Variants in CDK14 observed in about 807,000 individuals in gnomAD.
The protein encoded by CDK14 is cyclin dependent kinase 14.
A neutral mutation model predicts 60.7 loss-of-function variants in CDK14; 34 were observed. That is an observed-to-expected ratio of 0.56 (90% CI 0.43 to 0.75). The LOEUF is 0.75. Ranked by LOEUF, CDK14 falls within the 30% of genes least tolerant of loss-of-function variation. The probability of loss-of-function intolerance (pLI) is 0.00; values close to 1 mark genes in which losing one functional copy is unlikely to be tolerated. For synonymous variants in CDK14, 197 were observed against 203.7 expected, an observed-to-expected ratio of 0.97 and a Z score of 0.28; for missense variants, 482 against 564.1, an observed-to-expected ratio of 0.85 and a Z score of 1.47.
chr7:91,114,729 A>G (rs990866092), intron 13 of CDK14, among the ~76,000 whole-genome samples: 3 of 152,138 alleles, frequency 2.0e-5, no homozygotes, highest in African/African-American at 7.2e-5. Flanking sequence ...CAGAAATGCT[A>G]TTTCTGTGTC....
At chr7:90,609,148 T>A (rs1025400107) in intron 2 of CDK14, among the ~76,000 whole-genome samples, 2 of 152,122 alleles carry the variant, frequency 1.3e-5, no homozygotes, top group Admixed American at 6.5e-5. Context: ...CACCTCAGCC[T>A]TCTAAGTAGC....
At chr7:91,079,321 C>T in intron 11 of CDK14, 111 bp from the exon 12 acceptor site, 1 of 664,756 alleles carries the variant, frequency 1.5e-6, no homozygotes, top group Non-Finnish European at 2.6e-6. Flanking sequence ...ACTATGCTGG[C>T]CTAACTGACT....
At chr7:90,821,253 G>T (rs900373950) in intron 5 of CDK14, among the ~76,000 whole-genome samples, 3 of 152,202 alleles carry the variant, frequency 2.0e-5, no homozygotes, top group African/African-American at 7.2e-5. Flanking sequence ...AAGGAAGTGA[G>T]AAAGGCAGGG....
At chr7:90,634,390 G>GT (rs1303178953) in intron 2 of CDK14, among the ~76,000 whole-genome samples, 5 of 148,942 alleles carry the variant, frequency 3.4e-5, no homozygotes, top group African/African-American at 9.9e-5. Context: ...GCAGTGTTTG[G>GT]TTTTTTGTCC....
chr7:90,776,815 G>C (rs984216687), intron 4 of CDK14, among the ~76,000 whole-genome samples: 1 of 152,178 alleles, frequency 6.6e-6, no homozygotes, highest in South Asian at 2.1e-4. Flanking sequence ...TGATCTTTGA[G>C]GATCTATGAA....
intron 10 of CDK14, among the ~76,000 whole-genome samples, chr7:91,040,775 C>G (rs936427030): frequency 6.6e-6 from 1 of 152,200 alleles, no homozygotes; most frequent in Non-Finnish European, 1.5e-5. Context: ...TCTTGTTGTA[C>G]TTAAATCACA....
intron 10 of CDK14, among the ~76,000 whole-genome samples, chr7:91,015,821 A>G (rs1020357282): frequency 1.2e-4 from 18 of 152,032 alleles, no homozygotes; most frequent in African/African-American, 4.1e-4. Flanking sequence ...ACATTTCACA[A>G]AAATATTTGT....
chr7:90,876,656 T>C (rs150022452), intron 6 of CDK14, among the ~76,000 whole-genome samples: 322 of 152,310 alleles, frequency 2.1e-3, no homozygotes, highest in African/African-American at 7.5e-3. Flanking sequence ...ACCATCTGTT[T>C]TGGAGCTTCA....
intron 5 of CDK14, among the ~76,000 whole-genome samples, chr7:90,836,856 C>CT (rs1166140271): frequency 3.3e-5 from 5 of 152,154 alleles, no homozygotes; most frequent in Non-Finnish European, 7.4e-5. Context: ...CTATCATAAT[C>CT]TTATGTGACC....
intron 10 of CDK14, among the ~76,000 whole-genome samples, chr7:91,024,797 C>T (rs1437323558): frequency 1.1e-4 from 17 of 152,294 alleles, no homozygotes; most frequent in Non-Finnish European, 5.9e-5. Context: ...TAGACTTTCT[C>T]TTAACCACTG....
chr7:90,841,251 A>G (rs1370567684), intron 5 of CDK14, among the ~76,000 whole-genome samples: 1 of 152,146 alleles, frequency 6.6e-6, no homozygotes, highest in Non-Finnish European at 1.5e-5. Flanking sequence ...CATTTGTCCA[A>G]ACCCATACAA....
At chr7:90,813,226 A>G (rs750511232) in intron 5 of CDK14, among the ~76,000 whole-genome samples, 28 of 152,134 alleles carry the variant, frequency 1.8e-4, no homozygotes, top group Non-Finnish European at 5.9e-5. Context: ...GCAGTGGCAC[A>G]ATCTCAGCTC....
At chr7:91,186,514 A>G (rs894912755) in intron 14 of CDK14, among the ~76,000 whole-genome samples, 1 of 151,636 alleles carries the variant, frequency 6.6e-6, no homozygotes, top group Non-Finnish European at 1.5e-5. Context: ...TTGATCTTAG[A>G]TAGGCCAATT....
intron 10 of CDK14, among the ~76,000 whole-genome samples, chr7:90,991,970 C>T (rs1795552193): frequency 6.6e-6 from 1 of 152,088 alleles, no homozygotes; most frequent in African/African-American, 2.4e-5. Flanking sequence ...GTCAATAGTT[C>T]TATGAAAAGA....
intron 2 of CDK14, among the ~76,000 whole-genome samples, chr7:90,657,280 G>T (rs1800771635): frequency 6.6e-6 from 1 of 152,050 alleles, no homozygotes; most frequent in Non-Finnish European, 1.5e-5. Context: ...AATACAGTTT[G>T]ATTTATTTTT....
chr7:91,129,959 A>G (rs1381524111), intron 14 of CDK14, among the ~76,000 whole-genome samples: 2 of 152,194 alleles, frequency 1.3e-5, no homozygotes, highest in Non-Finnish European at 2.9e-5. Context: ...AAAATAAACC[A>G]ATAGATATTA....
intron 2 of CDK14, among the ~76,000 whole-genome samples, chr7:90,668,032 ATT>A (rs1240928301): frequency 6.6e-6 from 1 of 151,978 alleles, no homozygotes; most frequent in African/African-American, 2.4e-5. Flanking sequence ...GTATGTTTTA[ATT>A]TTTCTTAGTG....
intron 11 of CDK14, among the ~76,000 whole-genome samples, chr7:91,071,572 C>T (rs1195988541): frequency 6.6e-6 from 1 of 152,224 alleles, no homozygotes; most frequent in African/African-American, 2.4e-5. Context: ...CCACCGGGGC[C>T]TAGGGTCCCA....
intron 10 of CDK14, among the ~76,000 whole-genome samples, chr7:91,042,869 C>T (rs1251335632): frequency 6.6e-6 from 1 of 152,120 alleles, no homozygotes; most frequent in African/African-American, 2.4e-5. Context: ...CATCAGAGAC[C>T]ATACATACTC....
Sources: allele counts gnomAD v4.1 joint callset (sites outside exome capture counted in the v4.1 genomes callset), GRCh38; gene constraint gnomAD v4.1.1; transcripts MANE v1.5; gene names NCBI Gene and HGNC (gene_info 2026-07-23, HGNC 2026-07-21).